The following RERG variants were observed in gnomAD, a reference collection of about 807,000 sequenced individuals.
RERG encodes RAS like estrogen regulated growth inhibitor, also known as ras-related and estrogen-regulated growth inhibitor.
RERG carries 25 observed loss-of-function variants against 23.2 expected under a neutral mutation model. That is an observed-to-expected ratio of 1.08 (90% CI 0.79 to 1.50). The LOEUF (loss-of-function observed/expected upper bound fraction) is 1.50. Among genes scored for constraint, RERG ranks in the 40% most tolerant of loss-of-function variants. RERG has a pLI of 0.00. For missense variants in RERG, 253 were observed against 250.1 expected, an observed-to-expected ratio of 1.01 and a Z score of -0.08; for synonymous variants, 81 against 89.1, an observed-to-expected ratio of 0.91 and a Z score of 0.51.
At chr12:15,207,590 G>T (rs1426412307) in intron 2 of RERG, among the ~76,000 whole-genome samples, 1 of 152,100 alleles carries the variant, frequency 6.6e-6, no homozygotes, top group Non-Finnish European at 1.5e-5. Context: ...AATCACAGTT[G>T]TGCTCTGATC....
chr12:15,123,600 AATTT>A (rs1863880096), intron 2 of RERG, among the ~76,000 whole-genome samples: 2 of 146,440 alleles, frequency 1.4e-5, no homozygotes, highest in African/African-American at 2.5e-5. Flanking sequence ...CCAGTTGTAT[AATTT>A]ATTAAATTTA....
intron 2 of RERG, among the ~76,000 whole-genome samples, chr12:15,214,461 A>G (rs1481159917): frequency 6.6e-6 from 1 of 152,104 alleles, no homozygotes; most frequent in Non-Finnish European, 1.5e-5. Flanking sequence ...GGGACAGGTA[A>G]GACTTAAGCC....
At chr12:15,142,948 T>C (rs1864262453) in intron 2 of RERG, among the ~76,000 whole-genome samples, 1 of 152,154 alleles carries the variant, frequency 6.6e-6, no homozygotes, top group Non-Finnish European at 1.5e-5. Flanking sequence ...CAGCGTGAGG[T>C]AGAAAAGCAA....
At chr12:15,182,234 T>C (rs1487211770) in intron 2 of RERG, among the ~76,000 whole-genome samples, 1 of 151,984 alleles carries the variant, frequency 6.6e-6, no homozygotes, top group Non-Finnish European at 1.5e-5. Flanking sequence ...AATATTGTGT[T>C]TTTAGTAGAG....
intron 2 of RERG, among the ~76,000 whole-genome samples, chr12:15,158,650 A>G (rs1182566435): frequency 6.6e-6 from 1 of 152,170 alleles, no homozygotes; most frequent in Non-Finnish European, 1.5e-5. Flanking sequence ...TGAAGAGTAC[A>G]CAGTTTTTCA....
At chr12:15,221,062 C>G (rs1036201612) in intron 1 of RERG, 133 bp downstream of exon 1, 7 of 152,236 alleles carry the variant, frequency 4.6e-5, no homozygotes, top group African/African-American at 1.4e-4. Context: ...TCGCAGCGAA[C>G]CCCAAAGCCG....
chr12:15,217,660 T>C (rs1291740431), intron 1 of RERG, 57 bp from the exon 2 acceptor site: 1 of 583,120 alleles, frequency 1.7e-6, no homozygotes, highest in African/African-American at 1.9e-5. Context: ...TTAATATTTA[T>C]TGAGCATCTA....
At chr12:15,212,542 A>C (rs1370365365) in intron 2 of RERG, among the ~76,000 whole-genome samples, 1 of 152,102 alleles carries the variant, frequency 6.6e-6, no homozygotes, top group African/African-American at 2.4e-5. Flanking sequence ...CACATCCCAA[A>C]CCCCCTAGAT....
At chr12:15,221,039 G>A (rs1865505356) in intron 1 of RERG, among the ~76,000 whole-genome samples, 156 bp downstream of exon 1, 1 of 152,174 alleles carries the variant, frequency 6.6e-6, no homozygotes, top group Admixed American at 6.5e-5. Flanking sequence ...GGCTGCTGGT[G>A]TTCACATCTC....
chr12:15,210,816 G>C (rs1324754284), intron 2 of RERG, among the ~76,000 whole-genome samples: 1 of 152,068 alleles, frequency 6.6e-6, no homozygotes, highest in South Asian at 2.1e-4. Flanking sequence ...TTCTGTCTTT[G>C]CAGGTAAAGG....
chr12:15,178,857 T>C (rs1318573368), intron 2 of RERG, among the ~76,000 whole-genome samples: 1 of 152,202 alleles, frequency 6.6e-6, no homozygotes, highest in East Asian at 1.9e-4. Context: ...AATTATTTTA[T>C]TTTCTGGAGT....
At chr12:15,112,204 G>A (rs549325181) in intron 3 of RERG, among the ~76,000 whole-genome samples, 3 of 152,300 alleles carry the variant, frequency 2.0e-5, no homozygotes, top group African/African-American at 7.2e-5. Context: ...CTCTGGAAAT[G>A]TAAGAGATAT....
At chr12:15,185,904 GA>G (rs1383221470) in intron 2 of RERG, among the ~76,000 whole-genome samples, 12 of 151,300 alleles carry the variant, frequency 7.9e-5, no homozygotes, top group Admixed American at 6.6e-4. Context: ...AAGAACAGAA[GA>G]AAAAAATTAA....
At chr12:15,166,981 T>G (rs1024621378) in intron 2 of RERG, among the ~76,000 whole-genome samples, 1 of 152,194 alleles carries the variant, frequency 6.6e-6, no homozygotes, top group Non-Finnish European at 1.5e-5. Flanking sequence ...TATATGTTCA[T>G]GTGCTTTCTC....
At chr12:15,119,368 G>C (rs1863791056) in intron 3 of RERG, among the ~76,000 whole-genome samples, 1 of 152,140 alleles carries the variant, frequency 6.6e-6, no homozygotes, top group Non-Finnish European at 1.5e-5. Flanking sequence ...ATTAGGTACT[G>C]GAACACATTC....
chr12:15,161,182 G>GAAAGAAAGAAAGA, intron 2 of RERG, among the ~76,000 whole-genome samples: 1 of 145,098 alleles, frequency 6.9e-6, no homozygotes, highest in Admixed American at 7.0e-5. Flanking sequence ...AAGAAAGAAA[G>GAAAGAAAGAAAGA]AAAGAAAGAA....
intron 2 of RERG, chr12:15,137,816 A>G: frequency 2.3e-6 from 1 of 431,946 alleles, no homozygotes; most frequent in South Asian, 1.7e-5. Flanking sequence ...GAAAAATTAA[A>G]GTTTTAATTT....
intron 2 of RERG, among the ~76,000 whole-genome samples, chr12:15,169,143 G>A (rs1864737743): frequency 6.6e-6 from 1 of 152,200 alleles, no homozygotes; most frequent in South Asian, 2.1e-4. Flanking sequence ...ACAAGATCGA[G>A]GAGGTGAAGT....
intron 2 of RERG, among the ~76,000 whole-genome samples, chr12:15,206,982 C>G (rs1030586516): frequency 6.6e-6 from 1 of 152,036 alleles, no homozygotes; most frequent in Non-Finnish European, 1.5e-5. Flanking sequence ...CCCCAGCTCA[C>G]CTTTGTTATG....
Sources: gnomAD v4.1 joint callset for allele counts (sites outside exome capture counted in the v4.1 genomes callset) on GRCh38, gnomAD v4.1.1 for gene constraint, MANE v1.5 for transcripts, NCBI Gene and HGNC (gene_info 2026-07-23, HGNC 2026-07-21) for gene names.